DCBLD2: variants seen among roughly 807,000 people sequenced by gnomAD.
The protein encoded by DCBLD2 is discoidin, CUB and LCCL domain containing 2, also known as discoidin, CUB and LCCL domain-containing protein 2.
A neutral mutation model predicts 86.8 loss-of-function variants in DCBLD2; 54 were observed. The ratio of observed to expected loss-of-function variants is 0.62; its 90% CI spans 0.50 to 0.78. DCBLD2 has a LOEUF of 0.78. DCBLD2 is among the 30% of genes least tolerant of loss of function. The pLI is 0.00. For missense variants in DCBLD2, 908 were observed against 954.2 expected (o/e 0.95, Z 0.64); for synonymous variants, 354 against 341.3 (o/e 1.04, Z -0.41).
chr3:98,892,601 GC>G (rs1244029654), intron 1 of DCBLD2, among the ~76,000 whole-genome samples: 2 of 152,142 alleles, frequency 1.3e-5, no homozygotes, highest in Non-Finnish European at 2.9e-5. Flanking sequence ...CAAAGAGAAA[GC>G]CAGACTGAAA....
Position 98,901,104 on chromosome 3 carries a change from T to C in DCBLD2, c.205+18A>G. The C allele has an allele frequency of 1.9e-6, 3 of 1,538,706 alleles. No individual in the cohort carries two copies. Among genetic ancestry groups the C allele is most frequent in the East Asian group, 2.4e-5 (1 of 40,852 alleles). ...CGACGGAGGTTCCCCCGCCGCTCAC[T>C]CCCCTGGGACCACTCACCTTGCTGG... On this transcript the variant is annotated intron_variant, in intron 1 of 15. Transcript: ENST00000326840.
chr3:98,865,639 CTGAT>C (rs1309513640), intron 2 of DCBLD2, among the ~76,000 whole-genome samples: 1 of 152,028 alleles, frequency 6.6e-6, no homozygotes, highest in Non-Finnish European at 1.5e-5. Flanking sequence ...ATTTATTAGT[CTGAT>C]TGACCCATTC....
At chr3:98,822,596 C>T (rs1942144047) in intron 5 of DCBLD2, 73 bp downstream of exon 5, 3 of 1,402,226 alleles carry the variant, frequency 2.1e-6, no homozygotes, top group Non-Finnish European at 2.9e-6. Context: ...GATTAACACA[C>T]CTCTAACTAC....
intron 8 of DCBLD2, among the ~76,000 whole-genome samples, chr3:98,818,249 T>C (rs1942058203): frequency 6.6e-6 from 1 of 152,190 alleles, no homozygotes; most frequent in Non-Finnish European, 1.5e-5. Context: ...AAAATAAATA[T>C]TTTAACAAAA....
intron 1 of DCBLD2, among the ~76,000 whole-genome samples, chr3:98,899,327 C>G (rs563746732): frequency 6.9e-6 from 1 of 145,174 alleles, no homozygotes; most frequent in East Asian, 2.0e-4. Flanking sequence ...GGCGCGATCG[C>G]TGCAACCTCC....
At chr3:98,850,910 TA>T (rs34602254) in intron 2 of DCBLD2, among the ~76,000 whole-genome samples, 1 of 152,164 alleles carries the variant, frequency 6.6e-6, no homozygotes, top group South Asian at 2.1e-4. Context: ...AACTTAGGAA[TA>T]AAATTGCTTT....
chr3:98,843,492 C>T (rs2439228), intron 3 of DCBLD2, among the ~76,000 whole-genome samples: 54,345 of 151,774 alleles, frequency 0.36, 9,837 homozygotes, highest in Non-Finnish European at 0.38. Flanking sequence ...GAAAACATTC[C>T]ATGCAGGAAA....
intron 2 of DCBLD2, among the ~76,000 whole-genome samples, chr3:98,865,026 A>G (rs1943118716): frequency 6.6e-6 from 1 of 152,180 alleles, no homozygotes; most frequent in African/African-American, 2.4e-5. Context: ...CTAAATTAGT[A>G]TAGCTGTTAT....
rs1190171637 is a variant in DCBLD2, at chr3:98,819,343, A to G, written c.946T>C (p.Trp316Arg). ...TTCTCTTGCCCTGTGTGGTCAGTCCACTCCAGCACAGATGATGCTGTTATT... is the reference window on the plus strand; with the variant it reads ...TTCTCTTGCCCTGTGTGGTCAGTCCGCTCCAGCACAGATGATGCTGTTATT... The part of the protein sequence containing the change: ...PQITASSVLE[W>R]TDHTGQENSW... Residue 316 changes from tryptophan (W) to arginine (R), a missense_variant, in exon 8 of 16, where the codon TGG (tryptophan) becomes CGG (arginine). Coordinates refer to ENST00000326840, the MANE Select transcript of DCBLD2 (RefSeq NM_080927.4). The G allele has an allele frequency of 1.2e-6, 2 of 1,613,658 alleles. No individual in the cohort carries two copies. The highest frequency in any genetic ancestry group is 3.3e-5 in the Admixed American group (2 of 59,980).
intron 3 of DCBLD2, 191 bp downstream of exon 3, chr3:98,849,270 C>T (rs911159755): frequency 1.6e-5 from 10 of 631,558 alleles, no homozygotes; most frequent in African/African-American, 3.7e-5. Flanking sequence ...AGGGAAGTAA[C>T]GTTTATGTAC....
At chr3:98,881,449 A>G (rs1576201309) in intron 2 of DCBLD2, 91 bp downstream of exon 2, 1 of 1,190,836 alleles carries the variant, frequency 8.4e-7, no homozygotes, top group South Asian at 1.4e-5. Context: ...ATAGCACCTT[A>G]CACTGCATGG....
chr3:98,887,222 T>C (rs1237071295), intron 1 of DCBLD2, among the ~76,000 whole-genome samples: 1 of 151,866 alleles, frequency 6.6e-6, no homozygotes, highest in African/African-American at 2.4e-5. Context: ...AGTCTGACTA[T>C]ACTTGCTCTA....
chr3:98,802,313 TGAG>T (rs1331172139), intron 13 of DCBLD2, among the ~76,000 whole-genome samples: 2 of 152,240 alleles, frequency 1.3e-5, no homozygotes, highest in Non-Finnish European at 2.9e-5. Flanking sequence ...CCAGTGATGA[TGAG>T]CATTTTTTCA....
chr3:98,824,957 C>A (rs898686235), intron 4 of DCBLD2, among the ~76,000 whole-genome samples: 1 of 152,022 alleles, frequency 6.6e-6, no homozygotes, highest in Admixed American at 6.5e-5. Flanking sequence ...AACAACACTG[C>A]AGAATTCTAT....
chr3:98,897,365 A>G (rs1055491252), intron 1 of DCBLD2, among the ~76,000 whole-genome samples: 2 of 152,190 alleles, frequency 1.3e-5, no homozygotes, highest in Admixed American at 1.3e-4. Context: ...TGTAAAATTA[A>G]TTAGAAATAT....
At chr3:98,867,302 T>G (rs576958582) in intron 2 of DCBLD2, among the ~76,000 whole-genome samples, 1 of 152,340 alleles carries the variant, frequency 6.6e-6, no homozygotes, top group East Asian at 1.9e-4. Context: ...TTGGGCAGTA[T>G]AGCCATTTTC....
intron 1 of DCBLD2, among the ~76,000 whole-genome samples, chr3:98,897,844 C>A (rs187509780): frequency 6.6e-6 from 1 of 152,054 alleles, no homozygotes; most frequent in Non-Finnish European, 1.5e-5. Flanking sequence ...GTAGGCAAGC[C>A]TTCCAGGATA....
At chr3:98,812,687 A>T in intron 9 of DCBLD2, 1 of 454,148 alleles carries the variant, frequency 2.2e-6, no homozygotes, top group Admixed American at 3.9e-5. Flanking sequence ...TTATGAAACA[A>T]AAATATTTAA....
chr3:98,855,835 C>CT (rs1477874732), intron 2 of DCBLD2, among the ~76,000 whole-genome samples: 2 of 152,160 alleles, frequency 1.3e-5, no homozygotes, highest in Admixed American at 1.3e-4. Flanking sequence ...TAGCAAAGGA[C>CT]TTTAAGAGTT....
Sources: allele counts gnomAD v4.1 joint callset (sites outside exome capture counted in the v4.1 genomes callset), GRCh38; gene constraint gnomAD v4.1.1; transcripts MANE v1.5; gene names NCBI Gene and HGNC (gene_info 2026-07-23, HGNC 2026-07-21).